Variants in LRRC74A observed in about 807,000 individuals in gnomAD.
LRRC74A encodes the protein leucine rich repeat containing 74A.
LRRC74A carries 44 observed loss-of-function variants against 57.9 expected under a neutral mutation model. The observed-to-expected ratio is 0.76, with a 90% CI of 0.60 to 0.98. The LOEUF is 0.98. Ranked by LOEUF, LRRC74A falls within the 50% of genes least tolerant of loss-of-function variation. The pLI is 0.00. For missense variants in LRRC74A, 572 were observed against 574.0 expected, an observed-to-expected ratio of 1.00 and a Z score of 0.04; for synonymous variants, 211 against 219.4, an observed-to-expected ratio of 0.96 and a Z score of 0.34.
chr14:76,857,563 C>A, intron 10 of LRRC74A, 88 bp downstream of exon 10: 1 of 913,542 alleles, frequency 1.1e-6, no homozygotes, highest in Non-Finnish European at 1.7e-6. Flanking sequence ...GAGCCAACAG[C>A]TCTATCCCTC....
At chr14:76,858,482 C>A (rs1361888412) in intron 10 of LRRC74A, among the ~76,000 whole-genome samples, 1 of 152,174 alleles carries the variant, frequency 6.6e-6, no homozygotes, top group Non-Finnish European at 1.5e-5. Context: ...CTGCAAAGAC[C>A]CTGTTTCCAA....
intron 12 of LRRC74A, 110 bp from the exon 13 acceptor site, chr14:76,867,246 G>T: frequency 2.4e-6 from 1 of 409,334 alleles, no homozygotes; most frequent in South Asian, 1.9e-5. Flanking sequence ...GGGGGTGTGT[G>T]TTGGGGGGGT....
At chr14:76,854,641 A>G (rs910513234) in intron 9 of LRRC74A, among the ~76,000 whole-genome samples, 6 of 152,194 alleles carry the variant, frequency 3.9e-5, no homozygotes, top group African/African-American at 1.4e-4. Context: ...GCCCATCATT[A>G]AACTCCTCAT....
intron 13 of LRRC74A, 71 bp from the exon 14 acceptor site, chr14:76,870,054 C>G: frequency 6.5e-7 from 1 of 1,534,796 alleles, no homozygotes; most frequent in Non-Finnish European, 8.9e-7. Flanking sequence ...TTAAGCCTGT[C>G]TTAACATTCT....
intron 10 of LRRC74A, among the ~76,000 whole-genome samples, chr14:76,860,083 G>A (rs1124119): frequency 0.4 from 61,063 of 151,888 alleles, 13,248 homozygotes; most frequent in East Asian, 0.55. Context: ...TCTCTACAAA[G>A]CCTTCTGCCC....
intron 12 of LRRC74A, among the ~76,000 whole-genome samples, chr14:76,866,871 C>A (rs1187639518): frequency 2.1e-5 from 3 of 146,334 alleles, no homozygotes; most frequent in Non-Finnish European, 4.5e-5. Flanking sequence ...CCTGAGCTCT[C>A]AATCAGATGC....
rs1450588019 is a variant in LRRC74A, at chr14:76,870,229, T to C, written c.*80T>C. ...TGGTGGCAGGGAGGAGAGCAAGAGG[T>C]GGCTGAAATCTCGATGGACAGATGC... On this transcript the variant is annotated 3_prime_UTR_variant, in exon 14 of 14. Coordinates refer to ENST00000689127, the MANE Select transcript of LRRC74A (RefSeq NM_001385106.1). 1.0e-5 allele frequency: 15 copies of C among 1,471,568 alleles called. No homozygotes were observed. The highest frequency in any genetic ancestry group is 1.4e-5 in the Non-Finnish European group (15 of 1,069,720). The allele number at this position is 1,471,568 out of a possible 1,614,324, so 91.2% of individuals were successfully genotyped here.
At chr14:76,857,009 GGATA>G (rs1057078907) in intron 9 of LRRC74A, among the ~76,000 whole-genome samples, 19 of 143,416 alleles carry the variant, frequency 1.3e-4, no homozygotes, top group East Asian at 4.3e-4. Context: ...ATGGATGGAT[GGATA>G]GGCGGATGGA....
intron 2 of LRRC74A, among the ~76,000 whole-genome samples, chr14:76,829,725 A>G (rs1473132348): frequency 6.6e-6 from 1 of 152,170 alleles, no homozygotes; most frequent in Admixed American, 6.5e-5. Flanking sequence ...CTAATGGCTG[A>G]ATGTGGCACC....
intron 11 of LRRC74A, 46 bp from the exon 12 acceptor site, chr14:76,865,922 G>A: frequency 7.1e-7 from 1 of 1,411,776 alleles, no homozygotes; most frequent in Non-Finnish European, 9.9e-7. Context: ...TGCGATCGTT[G>A]TTACAAGACC....
intron 5 of LRRC74A, among the ~76,000 whole-genome samples, chr14:76,843,389 CT>C (rs1467235949): frequency 1.3e-5 from 2 of 148,890 alleles, no homozygotes; most frequent in African/African-American, 2.5e-5. Context: ...GGATATTATT[CT>C]TCTTGATTAC....
chr14:76,831,376 G>T lies in LRRC74A; in HGVS notation c.339+1G>T. 1 of 1,612,810 alleles carries T rather than the reference G, an allele frequency of 6.2e-7. No homozygotes were observed. The highest frequency in any genetic ancestry group is 8.5e-7 in the Non-Finnish European group (1 of 1,179,724). On this transcript the variant is annotated splice_donor_variant, in intron 3 of 13. Transcript: ENST00000689127. LOFTEE classifies it high-confidence loss of function. ...CAAGGCTATTGCTATAGCCCTGGTG[G>T]TGAGCATGCTAGTGGGAGCTCATGA...
At chr14:76,869,806 G>GTA (rs1899297961) in intron 13 of LRRC74A, among the ~76,000 whole-genome samples, 1 of 150,568 alleles carries the variant, frequency 6.6e-6, no homozygotes, top group Non-Finnish European at 1.5e-5. Context: ...ACCCACAGAA[G>GTA]TATAGCAAGG....
At chr14:76,853,036 C>T (rs1172934666) in intron 8 of LRRC74A, among the ~76,000 whole-genome samples, 180 bp from the exon 9 acceptor site, 1 of 152,124 alleles carries the variant, frequency 6.6e-6, no homozygotes, top group African/African-American at 2.4e-5. Context: ...GGGAGGGAGT[C>T]TCATGAGTAC....
At chr14:76,869,918 A>G (rs1487146314) in intron 13 of LRRC74A, among the ~76,000 whole-genome samples, 1 of 152,118 alleles carries the variant, frequency 6.6e-6, no homozygotes, top group Non-Finnish European at 1.5e-5. Context: ...TGCCTTTCCC[A>G]CATACTTATA....
At chr14:76,869,363 C>CT (rs1184441818) in intron 13 of LRRC74A, among the ~76,000 whole-genome samples, 1 of 152,200 alleles carries the variant, frequency 6.6e-6, no homozygotes, top group Non-Finnish European at 1.5e-5. Context: ...CACACTGCCG[C>CT]TTTATCAGCT....
In LRRC74A at chr14:76,831,300, G is replaced by A; in HGVS notation, c.264G>A (p.Met88Ile). The change falls in exon 3 of 14, where the codon ATG (methionine) becomes ATA (isoleucine). Residue 88 changes from methionine to isoleucine, a missense_variant. Physicochemically the swap from Met to Ile is conservative, Grantham distance 10 (BLOSUM62 1). Coordinates refer to ENST00000689127, the MANE Select transcript of LRRC74A (RefSeq NM_001385106.1). Reference sequence around the variant, plus strand: ...CTGTCTCCTACTTCATTCGGAACATGGAGGAGTCCTACGTGAACCTCAACC... The same window carrying A: ...CTGTCTCCTACTTCATTCGGAACATAGAGGAGTCCTACGTGAACCTCAACC... The part of the protein sequence containing the change: ...VVPVSYFIRN[M>I]EESYVNLNHH... The A allele has an allele frequency of 1.2e-6, 2 of 1,614,010 alleles. No individual in the cohort carries two copies. The highest frequency in any genetic ancestry group is 1.7e-6 in the Non-Finnish European group (2 of 1,179,882).
intron 11 of LRRC74A, 37 bp downstream of exon 11, chr14:76,860,876 C>A (rs772694414): frequency 3.3e-6 from 5 of 1,532,068 alleles, no homozygotes; most frequent in African/African-American, 1.4e-5. Context: ...CTCCAGGGAG[C>A]CCTGGGGAAA....
intron 11 of LRRC74A, 34 bp downstream of exon 11, chr14:76,860,873 GA>G (rs746424405): frequency 2.4e-4 from 374 of 1,534,328 alleles, no homozygotes; most frequent in Non-Finnish European, 2.9e-4. Context: ...GGCCTCCAGG[GA>G]GCCCTGGGGA....
Sources: allele counts gnomAD v4.1 joint callset (sites outside exome capture counted in the v4.1 genomes callset), GRCh38; gene constraint gnomAD v4.1.1; transcripts MANE v1.5; gene names NCBI Gene and HGNC (gene_info 2026-07-23, HGNC 2026-07-21).